Variants in NFIX observed in about 807,000 individuals in gnomAD.
NFIX encodes nuclear factor I X.
In NFIX, 2 loss-of-function variants were observed where a neutral mutation model predicts 53.3. The ratio of observed to expected loss-of-function variants is 0.04; its 90% CI spans 0.02 to 0.12. The LOEUF (loss-of-function observed/expected upper bound fraction) is 0.12. Among genes scored for constraint, NFIX ranks in the 10% least tolerant of loss-of-function variants. The probability of loss-of-function intolerance (pLI) is 1.00; values close to 1 mark genes in which losing one functional copy is unlikely to be tolerated. For synonymous variants in NFIX, 244 were observed against 289.0 expected, an observed-to-expected ratio of 0.84 and a Z score of 1.58; for missense variants, 310 against 674.5, an observed-to-expected ratio of 0.46 and a Z score of 5.99.
Position 13,006,830 on chromosome 19 carries a change from C to T in NFIX, c.27+10966C>T, listed in dbSNP as rs552614016. Among the ~76,000 whole-genome samples the T allele has an allele frequency of 9.2e-5, 14 of 152,326 alleles. No homozygotes were observed. The highest frequency in any genetic ancestry group is 9.1e-4 in the Admixed American group (14 of 15,312). On this transcript the variant is annotated intron_variant, in intron 1 of 10. Transcript: ENST00000592199. This position sits in a 1 kb window ranked among gnomAD's most constrained non-coding sequence, Gnocchi z 5.6. ...GTCGGCACTGCAGGCTGGCAACCAC[C>T]GTGCCCAGCCTGGTGGCATTTGGTT...
In NFIX at chr19:13,040,108, A is replaced by G. The variant is rs2014512894; in HGVS notation, c.559+14556A>G. On this transcript the variant is annotated intron_variant, in intron 2 of 10. Transcript: ENST00000592199. The surrounding 1 kb of genome is among the most constrained non-coding windows in gnomAD (Gnocchi z 4.2). ...GGGTTCAAAGAGACTTGGTTTTTCAAAATACTTGTTTTTATTTTATGTGAA... is the reference window on the plus strand; with the variant it reads ...GGGTTCAAAGAGACTTGGTTTTTCAGAATACTTGTTTTTATTTTATGTGAA... Among the ~76,000 whole-genome samples the G allele has an allele frequency of 6.6e-6, 1 of 152,118 alleles. No individual in the cohort carries two copies. The highest frequency in any genetic ancestry group is 1.5e-5 in the Non-Finnish European group (1 of 68,016).
intron 2 of NFIX, among the ~76,000 whole-genome samples, chr19:13,033,169 C>T (rs753964306): frequency 5.9e-5 from 9 of 152,176 alleles, no homozygotes; most frequent in Non-Finnish European, 1.2e-4. Flanking sequence ...GACAAACGCC[C>T]GGCCCTGCAG....
rs1310538164 is a variant in NFIX at position 13,009,828 on chromosome 19, G to A, written c.27+13964G>A. Among the ~76,000 whole-genome samples, 7 of 152,236 alleles carry A rather than the reference G, an allele frequency of 4.6e-5. No homozygotes were observed. The highest frequency in any genetic ancestry group is 3.3e-4 in the Admixed American group (5 of 15,290). On this transcript the variant is annotated intron_variant, in intron 1 of 10. Coordinates refer to ENST00000592199, the MANE Select transcript of NFIX (RefSeq NM_001365902.3). The surrounding 1 kb of genome is among the most constrained non-coding windows in gnomAD (Gnocchi z 4.7). ...CTGATGTGTGAGTGGCCATGTGGAC[G>A]GCTGGAGTTGGTCCGCAGTGGTGGC...
rs1193070672 is a variant in NFIX, at chr19:13,081,722, C to T, written c.1121C>T (p.Thr374Met). Residue 374 changes from threonine to methionine, a missense_variant, in exon 8 of 11, where the codon ACG becomes ATG. By Grantham distance (81) the Thr-to-Met change is moderately conservative. This residue lies in a region of NFIX where 35 missense variants were observed against 114.8 expected (regional missense o/e 0.30). Coordinates refer to ENST00000592199, the MANE Select transcript of NFIX (RefSeq NM_001365902.3). This position sits in a 1 kb window ranked among gnomAD's most constrained non-coding sequence, Gnocchi z 4.7. ...ATASALHFPS[T>M]SIIQQSSPYF... ...GCATCAGCCCTGCACTTCCCCTCCA[C>T]GTCCATCATCCAGCAGTCGAGCCCG... The T allele has an allele frequency of 6.2e-7, 1 of 1,613,816 alleles. No homozygotes were observed. The highest frequency in any genetic ancestry group is 8.5e-7 in the Non-Finnish European group (1 of 1,179,898).
At position 13,072,956 on chromosome 19, in the gene NFIX, C is replaced by T. The variant is rs116307916; in HGVS notation, c.560-91C>T. On this transcript the variant is annotated intron_variant, in intron 2 of 10. Transcript: ENST00000592199. This position sits in a 1 kb window ranked among gnomAD's most constrained non-coding sequence, Gnocchi z 4.0. ...CTGTAGCCAGGGTGGGCCGTCCCTG[C>T]TCTTGCACCAGGCTGGAGGGGCCAA... 41,919 of 1,288,536 alleles carry T rather than the reference C, an allele frequency of 0.033. 770 individuals carry two copies. Among genetic ancestry groups the T allele is most frequent in the Middle Eastern group, 0.061 (334 of 5,448 alleles). 79.8% of individuals were successfully genotyped at this position (1,288,536 alleles called of 1,614,324 possible). A position where few individuals can be genotyped will look rare whatever the true frequency, so the allele number is the denominator to read the frequency against.
rs2015419232 is a variant in NFIX at position 13,052,962 on chromosome 19, C to T, written c.560-20085C>T. On this transcript the variant is annotated intron_variant, in intron 2 of 10. Coordinates refer to ENST00000592199, the MANE Select transcript of NFIX (RefSeq NM_001365902.3). This position sits in a 1 kb window ranked among gnomAD's most constrained non-coding sequence, Gnocchi z 5.2. ...AGAAACCTGCCTTCTCCTCCATCCC[C>T]ACTTGAAGCTGCTGGTACTGCCTCT... 6.6e-6 allele frequency among the ~76,000 whole-genome samples: 1 copy of T among 152,236 alleles called. No homozygotes were observed. The highest frequency in any genetic ancestry group is 2.4e-5 in the African/African-American group (1 of 41,460).
intron 2 of NFIX, among the ~76,000 whole-genome samples, chr19:13,047,074 AGG>A (rs2015038493): frequency 1.3e-5 from 2 of 152,000 alleles, no homozygotes; most frequent in South Asian, 4.2e-4. Flanking sequence ...TAAGGCTCTG[AGG>A]GTAGGTTGTA....
intron 8 of NFIX, among the ~76,000 whole-genome samples, chr19:13,083,555 A>T (rs1354407111): frequency 6.6e-6 from 1 of 152,134 alleles, no homozygotes; most frequent in Admixed American, 6.5e-5. Flanking sequence ...CATAGTTTTT[A>T]AAAAAACGAC....
chr19:13,057,707 C>T (rs757457417), intron 2 of NFIX, among the ~76,000 whole-genome samples: 5 of 152,188 alleles, frequency 3.3e-5, no homozygotes, highest in Non-Finnish European at 5.9e-5. Flanking sequence ...GGCCTAGAGA[C>T]CCCTGAGTGT....
intron 6 of NFIX, among the ~76,000 whole-genome samples, chr19:13,077,055 G>C (rs2017149145): frequency 6.6e-6 from 1 of 152,128 alleles, no homozygotes; most frequent in South Asian, 2.1e-4. Context: ...AGTTGAGAAG[G>C]CCCGGGAGAC....
rs1485867116 is a variant in NFIX, at chr19:13,009,316, TG to T, written c.27+13458del. On this transcript the variant is annotated intron_variant, in intron 1 of 10. Transcript: ENST00000592199. The surrounding 1 kb of genome is among the most constrained non-coding windows in gnomAD (Gnocchi z 4.7). ...CAATTATGCCTGGGCAGCGGGTGGG[TG>T]GGGGGAAGGCGGGCATATGTGACCT... 6.7e-6 allele frequency among the ~76,000 whole-genome samples: 1 copy of T among 150,082 alleles called. No homozygotes were observed. Among genetic ancestry groups the T allele is most frequent in the African/African-American group, 2.5e-5 (1 of 40,768 alleles).
intron 1 of NFIX, 137 bp from the exon 2 acceptor site, chr19:13,024,884 G>T (rs772533909): frequency 7.7e-7 from 1 of 1,291,710 alleles, no homozygotes; most frequent in Non-Finnish European, 1.1e-6. Context: ...TTGGGGGGAG[G>T]GAGGAGGAGG....
In NFIX at chr19:13,051,550, C is replaced by T. The variant is rs2015327195; in HGVS notation, c.560-21497C>T. 1.3e-5 allele frequency among the ~76,000 whole-genome samples: 2 copies of T among 152,226 alleles called. No homozygotes were observed. Among genetic ancestry groups the T allele is most frequent in the South Asian group, 4.1e-4 (2 of 4,832 alleles). On this transcript the variant is annotated intron_variant, in intron 2 of 10. Transcript: ENST00000592199. This position sits in a 1 kb window ranked among gnomAD's most constrained non-coding sequence, Gnocchi z 5.1. ...CAGTGACATCTCCCCCGTACCCAGG[C>T]CAGTGAGCCAGATTTTTTTCCAAGC...
intron 8 of NFIX, among the ~76,000 whole-genome samples, chr19:13,082,868 G>A (rs1033082473): frequency 3.9e-5 from 6 of 152,358 alleles, no homozygotes; most frequent in South Asian, 2.1e-4. Flanking sequence ...AAGGCATCCC[G>A]GAAGCCCACA....
At chr19:13,086,381 A>G (rs528856567) in intron 8 of NFIX, among the ~76,000 whole-genome samples, 4 of 152,358 alleles carry the variant, frequency 2.6e-5, no homozygotes, top group African/African-American at 9.6e-5. Flanking sequence ...GTAGTCAGGC[A>G]GACATGGCTG....
At chr19:13,017,861 C>T (rs1383065825) in intron 1 of NFIX, among the ~76,000 whole-genome samples, 4 of 152,240 alleles carry the variant, frequency 2.6e-5, no homozygotes, top group African/African-American at 7.2e-5. Flanking sequence ...GTTCTTCCCT[C>T]TTCCCGGGCC....
intron 8 of NFIX, among the ~76,000 whole-genome samples, chr19:13,083,312 G>A (rs1568326979): frequency 1.3e-5 from 2 of 152,202 alleles, no homozygotes; most frequent in Admixed American, 1.3e-4. Context: ...GAGAGGCCTG[G>A]AACATTACCT....
chr19:13,016,515 T>TGCCCCC (rs1227081074), intron 1 of NFIX, among the ~76,000 whole-genome samples: 1 of 146,348 alleles, frequency 6.8e-6, no homozygotes, highest in Non-Finnish European at 1.5e-5. Flanking sequence ...TCTCTGCCCC[T>TGCCCCC]GCCCCCCGCC....
chr19:13,074,034 C>A lies in NFIX; in HGVS notation c.818+8C>A. 2 of 1,613,834 alleles carry A rather than the reference C, an allele frequency of 1.2e-6. No individual in the cohort carries two copies. Among genetic ancestry groups the A allele is most frequent in the Non-Finnish European group, 1.7e-6 (2 of 1,179,832 alleles). On this transcript the variant is annotated splice_region_variant and intron_variant, in intron 5 of 10. Transcript: ENST00000592199. ...CTCCCCTCCTTCCACCAGGTAAGCC[C>A]AGTGGCCCTGCCTTTCCATCTTCTC... is the stretch of plus-strand genomic sequence containing the variant.
Sources: gnomAD v4.1 joint callset for allele counts (sites outside exome capture counted in the v4.1 genomes callset) on GRCh38, gnomAD v4.1.1 for gene constraint, gnomAD v4.1.1 regional missense constraint, Gnocchi (gnomAD v3.1) non-coding constraint, MANE v1.5 for transcripts, NCBI Gene and HGNC (gene_info 2026-07-23, HGNC 2026-07-21) for gene names.